Variants in LGR5 observed in about 807,000 individuals in gnomAD.
LGR5 encodes the protein leucine rich repeat containing G protein-coupled receptor 5, also known as leucine-rich repeat-containing G protein-coupled receptor 5.
Under a neutral mutation model 76.7 loss-of-function variants are expected in LGR5, and 54 were observed. That is an observed-to-expected ratio of 0.70 (90% confidence interval 0.57 to 0.88). The LOEUF is 0.88. LGR5 is among the 40% of genes least tolerant of loss of function. The probability of loss-of-function intolerance (pLI) is 0.00; values close to 1 mark genes in which losing one functional copy is unlikely to be tolerated. For missense variants in LGR5, 1,078 were observed against 1,073.3 expected (o/e 1.00, Z -0.06); for synonymous variants, 406 against 421.9 (o/e 0.96, Z 0.46).
intron 1 of LGR5, among the ~76,000 whole-genome samples, chr12:71,448,078 C>T (rs979927184): frequency 4.3e-4 from 58 of 134,958 alleles, no homozygotes; most frequent in Non-Finnish European, 8.6e-4. Flanking sequence ...CCCTCACACA[C>T]ACACAAACAC....
At chr12:71,507,461 G>T (rs534352221) in intron 2 of LGR5, among the ~76,000 whole-genome samples, 2 of 152,282 alleles carry the variant, frequency 1.3e-5, no homozygotes, top group South Asian at 4.2e-4. Context: ...GAATGTGAAA[G>T]AAAGCAATGA....
Position 71,584,488 on chromosome 12 carries a change from C to A in LGR5, c.2478C>A (p.His826Gln). 6.2e-7 allele frequency: 1 copy of A among 1,614,166 alleles called. No homozygotes were observed. Among genetic ancestry groups the A allele is most frequent in the Middle Eastern group, 1.6e-4 (1 of 6,062 alleles). The change falls in exon 18 of 18, where the codon CAC becomes CAA. Residue 826 changes from histidine to glutamine, a missense_variant. By Grantham distance (24) the His-to-Gln change is conservative (BLOSUM62 0). Coordinates refer to ENST00000266674, the MANE Select transcript of LGR5 (RefSeq NM_003667.4). ...TTCTCTACATCTTGTTCAATCCTCA[C>A]TTTAAGGAGGATCTGGTGAGCCTGA... The part of the protein sequence containing the change: ...NPLLYILFNP[H>Q]FKEDLVSLRK...
chr12:71,460,662 C>T (rs999920927), intron 1 of LGR5, among the ~76,000 whole-genome samples: 7 of 152,120 alleles, frequency 4.6e-5, no homozygotes, highest in African/African-American at 9.7e-5. Flanking sequence ...ACAGACATTA[C>T]GTGTCCCTGA....
At chr12:71,563,022 G>C (rs1406070694) in intron 8 of LGR5, among the ~76,000 whole-genome samples, 1 of 152,174 alleles carries the variant, frequency 6.6e-6, no homozygotes, top group Non-Finnish European at 1.5e-5. Flanking sequence ...CGTATTAAGA[G>C]GTTGGCAAAT....
rs781568201 is a variant in LGR5 at position 71,583,994 on chromosome 12, C to T, written c.1984C>T (p.Arg662Cys). Residue 662 changes from arginine (R) to cysteine (C), a missense_variant, in exon 18 of 18, where the codon CGT (arginine) becomes TGT (cysteine). Arg to Cys is a radical substitution (Grantham distance 180). Transcript: ENST00000266674. ...VFLLTLAALE[R>C]GFSVKYSAKF... ...CCTGCTTACTCTGGCAGCCCTGGAGCGTGGGTTCTCTGTGAAATATTCTGC... is the reference window on the plus strand; with the variant it reads ...CCTGCTTACTCTGGCAGCCCTGGAGTGTGGGTTCTCTGTGAAATATTCTGC... 8.7e-6 allele frequency: 14 copies of T among 1,614,056 alleles called. No individual in the cohort carries two copies. Among genetic ancestry groups the T allele is most frequent in the South Asian group, 6.6e-5 (6 of 91,078 alleles).
Position 71,584,070 on chromosome 12 carries a change from T to C in LGR5, c.2060T>C (p.Leu687Pro). 1.2e-6 allele frequency: 2 copies of C among 1,614,240 alleles called. No homozygotes were observed. Among genetic ancestry groups the C allele is most frequent in the Non-Finnish European group, 1.7e-6 (2 of 1,180,048 alleles). ...TCTAGCCTGAAAGTAATCATTTTGC[T>C]CTGTGCCCTGCTGGCCTTGACCATG... ...PFSSLKVIIL[L>P]CALLALTMAA... Residue 687 changes from leucine (L) to proline (P), a missense_variant, in exon 18 of 18, where the codon CTC (leucine) becomes CCC (proline). Transcript: ENST00000266674.
chr12:71,514,884 T>G (rs1294287744), intron 2 of LGR5, among the ~76,000 whole-genome samples: 1 of 152,190 alleles, frequency 6.6e-6, no homozygotes, highest in African/African-American at 2.4e-5. Flanking sequence ...TTTTGAAAAT[T>G]GCAATTTTTC....
chr12:71,463,301 C>T (rs1872744966), intron 1 of LGR5, among the ~76,000 whole-genome samples: 1 of 152,172 alleles, frequency 6.6e-6, no homozygotes, highest in Non-Finnish European at 1.5e-5. Flanking sequence ...GTGCAGTGCA[C>T]AGCTCCACAG....
intron 1 of LGR5, among the ~76,000 whole-genome samples, chr12:71,503,285 T>C (rs1026233697): frequency 6.6e-6 from 1 of 152,190 alleles, no homozygotes; most frequent in Non-Finnish European, 1.5e-5. Flanking sequence ...AAAATCCAGA[T>C]TTTTGGAATA....
chr12:71,508,471 C>A (rs1874970397), intron 2 of LGR5, among the ~76,000 whole-genome samples: 1 of 151,906 alleles, frequency 6.6e-6, no homozygotes, highest in Non-Finnish European at 1.5e-5. Context: ...AAGCAAGTAA[C>A]TCAGCCGGGC....
At chr12:71,531,740 C>T (rs1169782128) in intron 3 of LGR5, among the ~76,000 whole-genome samples, 1 of 152,048 alleles carries the variant, frequency 6.6e-6, no homozygotes, top group African/African-American at 2.4e-5. Flanking sequence ...TAGTGGCGCA[C>T]GCCTCTAATC....
Position 71,584,899 on chromosome 12 carries a change from A to T in LGR5, c.*165A>T, listed in dbSNP as rs1879258476. The T allele has an allele frequency of 7.7e-6, 5 of 653,338 alleles. No homozygotes were observed. 40.5% of individuals were successfully genotyped at this position (653,338 alleles called of 1,614,324 possible). A position where few individuals can be genotyped will look rare whatever the true frequency, so the allele number is the denominator to read the frequency against. On this transcript the variant is annotated 3_prime_UTR_variant, in exon 18 of 18. Transcript: ENST00000266674. Reference sequence around the variant, plus strand: ...AAGGCTGAAAACCTCTTGATACTTGAGAGTGAATATAAGTCTAAATGCTGC... The same window carrying T: ...AAGGCTGAAAACCTCTTGATACTTGTGAGTGAATATAAGTCTAAATGCTGC...
chr12:71,488,677 CTTG>C (rs1158524587), intron 1 of LGR5, among the ~76,000 whole-genome samples: 2 of 152,224 alleles, frequency 1.3e-5, no homozygotes, highest in East Asian at 3.9e-4. Flanking sequence ...CACGGGTCTC[CTTG>C]TTATTATTTT....
chr12:71,578,874 A>T lies in LGR5; in HGVS notation c.1351A>T (p.Thr451Ser). ...ACATGGTTTAACTCACTTAAAATTAACAGGAAATCATGCCTTACAGAGCTT... is the reference window on the plus strand; with the variant it reads ...ACATGGTTTAACTCACTTAAAATTATCAGGAAATCATGCCTTACAGAGCTT... Reference protein sequence around the residue: ...GLHGLTHLKLTGNHALQSLIS... With the variant: ...GLHGLTHLKLSGNHALQSLIS... The change falls in exon 15 of 18, where the codon ACA becomes TCA. Residue 451 changes from threonine (T) to serine (S), a missense_variant. Coordinates refer to ENST00000266674, the MANE Select transcript of LGR5 (RefSeq NM_003667.4). The T allele has an allele frequency of 6.2e-7, 1 of 1,613,070 alleles. No individual in the cohort carries two copies. Among genetic ancestry groups the T allele is most frequent in the South Asian group, 1.1e-5 (1 of 90,852 alleles).
Position 71,578,887 on chromosome 12 carries a change from C to A in LGR5, c.1364C>A (p.Ala455Asp), listed in dbSNP as rs536797990. 6.2e-6 allele frequency: 10 copies of A among 1,611,584 alleles called. No individual in the cohort carries two copies. The East Asian group carries it at 1.8e-4, about 29-fold the overall frequency. ...LTHLKLTGNH[A>D]LQSLISSENF... is the part of the protein sequence containing the mutation. ...CACTTAAAATTAACAGGAAATCATGCCTTACAGAGCTTGATATCATCTGAA... is the reference window on the plus strand; with the variant it reads ...CACTTAAAATTAACAGGAAATCATGACTTACAGAGCTTGATATCATCTGAA... The change falls in exon 15 of 18, where the codon GCC becomes GAC. Residue 455 changes from alanine (A) to aspartate (D), a missense_variant. Coordinates refer to ENST00000266674, the MANE Select transcript of LGR5 (RefSeq NM_003667.4).
At chr12:71,566,364 T>C (rs748310356) in intron 8 of LGR5, 40 bp from the exon 9 acceptor site, 1 of 1,329,352 alleles carries the variant, frequency 7.5e-7, no homozygotes. Context: ...TCTTTCAAAT[T>C]TTATACTAAG....
rs1433479097 is a variant in LGR5 at position 71,562,461 on chromosome 12, A to G, written c.857+609A>G. Among the ~76,000 whole-genome samples, 4 of 29,448 alleles carry G rather than the reference A, an allele frequency of 1.4e-4. No homozygotes were observed. The East Asian group carries it at 0.071, about 526-fold the overall frequency. The allele number at this position is 29,448 out of a possible 152,430, so 19.3% of individuals were successfully genotyped here. On this transcript the variant is annotated intron_variant, in intron 8 of 17. Coordinates refer to ENST00000266674, the MANE Select transcript of LGR5 (RefSeq NM_003667.4). ...ACTGTGGCTCATGCCTGTAATTCTA[A>G]CACTTTGGGAGGCCAATGCAGGAGG...
At chr12:71,477,534 T>C (rs1238695751) in intron 1 of LGR5, among the ~76,000 whole-genome samples, 6 of 150,888 alleles carry the variant, frequency 4.0e-5, no homozygotes, top group Non-Finnish European at 1.5e-5. Context: ...TACATATATA[T>C]CATTTTAACC....
At chr12:71,530,278 C>T (rs1324138745) in intron 3 of LGR5, among the ~76,000 whole-genome samples, 1 of 152,084 alleles carries the variant, frequency 6.6e-6, no homozygotes, top group Non-Finnish European at 1.5e-5. Context: ...AGGTAAAATG[C>T]TGAACAAGAT....
Sources: allele counts gnomAD v4.1 joint callset (sites outside exome capture counted in the v4.1 genomes callset), GRCh38; gene constraint gnomAD v4.1.1; transcripts MANE v1.5; gene names NCBI Gene and HGNC (gene_info 2026-07-23, HGNC 2026-07-21).